The following AUTS2 variants were observed in gnomAD, a reference collection of about 807,000 sequenced individuals.
AUTS2 encodes activator of transcription and developmental regulator AUTS2.
In AUTS2, 17 loss-of-function variants were observed where a neutral mutation model predicts 112.4. That is an observed-to-expected ratio of 0.15 (90% CI 0.10 to 0.23). The LOEUF (loss-of-function observed/expected upper bound fraction) is 0.23, where lower values mean the gene tolerates loss of function less well. AUTS2 is among the 10% of genes least tolerant of loss of function. AUTS2 has a pLI of 1.00. For synonymous variants in AUTS2, 751 were observed against 702.7 expected, an observed-to-expected ratio of 1.07 and a Z score of -1.09; for missense variants, 1,510 against 1,701.6, an observed-to-expected ratio of 0.89 and a Z score of 1.98.
At chr7:70,624,367 T>C (rs1585396418) in intron 5 of AUTS2, among the ~76,000 whole-genome samples, 3 of 152,242 alleles carry the variant, frequency 2.0e-5, no homozygotes, top group African/African-American at 7.2e-5. Flanking sequence ...TTAGCCATGG[T>C]GGTTAGAAAT....
At chr7:70,095,238 G>A (rs1033473298) in intron 2 of AUTS2, among the ~76,000 whole-genome samples, 2 of 152,100 alleles carry the variant, frequency 1.3e-5, no homozygotes, top group East Asian at 3.9e-4. Flanking sequence ...AACTTGAGAG[G>A]ATTGGATCAC....
intron 5 of AUTS2, among the ~76,000 whole-genome samples, chr7:70,588,924 T>G (rs1049544109): frequency 2.0e-5 from 3 of 152,206 alleles, no homozygotes; most frequent in Non-Finnish European, 4.4e-5. Flanking sequence ...TTCTGGAGTT[T>G]TTCTTTAGAA....
At chr7:70,649,109 A>C (rs1276956725) in intron 5 of AUTS2, among the ~76,000 whole-genome samples, 2 of 151,946 alleles carry the variant, frequency 1.3e-5, no homozygotes, top group African/African-American at 4.9e-5. Context: ...TAAGAAGAAT[A>C]GGCTGGATAT....
intron 4 of AUTS2, chr7:70,290,933 A>G (rs1788680753): frequency 6.5e-6 from 1 of 154,320 alleles, no homozygotes; most frequent in African/African-American, 2.4e-5. Flanking sequence ...TGTTAAGGTG[A>G]AGATAGGTGG....
At chr7:70,084,377 T>C (rs998463228) in intron 2 of AUTS2, among the ~76,000 whole-genome samples, 5 of 152,354 alleles carry the variant, frequency 3.3e-5, no homozygotes, top group African/African-American at 1.2e-4. Context: ...AAGAGTACAA[T>C]GTACATTCTC....
chr7:70,134,203 G>A (rs1806422668), intron 3 of AUTS2, among the ~76,000 whole-genome samples: 1 of 152,158 alleles, frequency 6.6e-6, no homozygotes. Context: ...AGGGAGGCAA[G>A]CTGATGCGTG....
chr7:70,458,636 G>T (rs187160429), intron 5 of AUTS2, among the ~76,000 whole-genome samples: 107 of 152,268 alleles, frequency 7.0e-4, no homozygotes, highest in African/African-American at 2.4e-3. Context: ...GGAAGCGGGA[G>T]GCATGTTCCA....
At chr7:70,485,658 G>A (rs1797963548) in intron 5 of AUTS2, among the ~76,000 whole-genome samples, 1 of 150,024 alleles carries the variant, frequency 6.7e-6, no homozygotes, top group African/African-American at 2.5e-5. Flanking sequence ...CAAAAAAAAA[G>A]TATCTCTGGT....
intron 1 of AUTS2, among the ~76,000 whole-genome samples, chr7:69,685,750 G>A (rs912229595): frequency 6.9e-6 from 1 of 144,438 alleles, no homozygotes; most frequent in Non-Finnish European, 1.5e-5. Flanking sequence ...TAGAGACAAT[G>A]TCTCACTATG....
At chr7:70,233,490 G>A (rs1049008239) in intron 4 of AUTS2, among the ~76,000 whole-genome samples, 2 of 152,154 alleles carry the variant, frequency 1.3e-5, no homozygotes, top group African/African-American at 2.4e-5. Flanking sequence ...GGAGGGAAAG[G>A]AATTGCTTAA....
Position 69,810,789 on chromosome 7 carries a change from C to A in AUTS2, c.310-88497C>A, listed in dbSNP as rs554587990. ...ACGTTGAGTAAGTCACTGCTTTGCG[C>A]CTTTATTAGTTCATATGTAAAATTG... On this transcript the variant is annotated intron_variant, in intron 1 of 18. Coordinates refer to ENST00000342771, the MANE Select transcript of AUTS2 (RefSeq NM_015570.4). Among the ~76,000 whole-genome samples the A allele has an allele frequency of 2.6e-5, 4 of 152,132 alleles. No homozygotes were observed. The East Asian group carries it at 5.8e-4, about 22-fold the overall frequency.
chr7:69,943,765 G>A (rs1010423463), intron 2 of AUTS2, among the ~76,000 whole-genome samples: 1 of 152,120 alleles, frequency 6.6e-6, no homozygotes, highest in African/African-American at 2.4e-5. Flanking sequence ...TGATCAAATA[G>A]AAAATAATGC....
intron 1 of AUTS2, among the ~76,000 whole-genome samples, chr7:69,831,276 T>C (rs1260899099): frequency 3.3e-5 from 5 of 152,340 alleles, no homozygotes; most frequent in African/African-American, 1.2e-4. Context: ...TTATCTACCC[T>C]GACAGAAGCT....
chr7:69,863,073 G>A (rs951167192), intron 1 of AUTS2, among the ~76,000 whole-genome samples: 1 of 152,100 alleles, frequency 6.6e-6, no homozygotes, highest in African/African-American at 2.4e-5. Flanking sequence ...ACGAGGACTC[G>A]GGGTGGTGAT....
intron 5 of AUTS2, among the ~76,000 whole-genome samples, chr7:70,613,560 T>A (rs1486963777): frequency 6.6e-6 from 1 of 152,074 alleles, no homozygotes; most frequent in Non-Finnish European, 1.5e-5. Flanking sequence ...AGGGGAGGGT[T>A]GCCGAGAGTG....
intron 2 of AUTS2, among the ~76,000 whole-genome samples, chr7:70,102,480 A>G (rs951932278): frequency 2.0e-5 from 3 of 151,780 alleles, no homozygotes; most frequent in Admixed American, 1.3e-4. Flanking sequence ...ATTAGCTACC[A>G]GCTGTCAGGT....
At chr7:69,792,540 A>G (rs1562886387) in intron 1 of AUTS2, among the ~76,000 whole-genome samples, 1 of 152,114 alleles carries the variant, frequency 6.6e-6, no homozygotes, top group South Asian at 2.1e-4. Context: ...TGCCTGGCCA[A>G]CACTTTCAGT....
At chr7:70,677,725 G>A (rs540296558) in intron 5 of AUTS2, among the ~76,000 whole-genome samples, 2 of 151,688 alleles carry the variant, frequency 1.3e-5, no homozygotes, top group Non-Finnish European at 2.9e-5. Flanking sequence ...AGCCCACCTC[G>A]GGTGACTTTT....
At chr7:69,945,833 A>T (rs1317565347) in intron 2 of AUTS2, among the ~76,000 whole-genome samples, 7 of 151,744 alleles carry the variant, frequency 4.6e-5, no homozygotes, top group Non-Finnish European at 8.8e-5. Flanking sequence ...CTCTGTTTTT[A>T]TGAGTTGGAT....
Sources: gnomAD v4.1 joint callset for allele counts (sites outside exome capture counted in the v4.1 genomes callset) on GRCh38, gnomAD v4.1.1 for gene constraint, MANE v1.5 for transcripts, NCBI Gene and HGNC (gene_info 2026-07-23, HGNC 2026-07-21) for gene names.